The following N4BP2L2 variants were observed in gnomAD, a reference collection of about 807,000 sequenced individuals.
N4BP2L2 encodes NEDD4-binding protein 2-like 2.
N4BP2L2 carries 50 observed loss-of-function variants against 56.2 expected under a neutral mutation model. The observed-to-expected ratio is 0.89, with a 90% CI of 0.71 to 1.13. The LOEUF (loss-of-function observed/expected upper bound fraction) is 1.13, where lower values mean the gene tolerates loss of function less well. Among genes scored for constraint, N4BP2L2 ranks in the 50% most tolerant of loss-of-function variants. N4BP2L2 has a pLI of 0.00. For missense variants in N4BP2L2, 689 were observed against 693.8 expected (o/e 0.99, Z 0.08); for synonymous variants, 203 against 223.6 (o/e 0.91, Z 0.82).
At chr13:32,536,364 T>G (rs1030542488) in exon 2 of N4BP2L2, 4 of 1,614,118 alleles carry the variant, frequency 2.5e-6, no homozygotes, top group South Asian at 1.1e-5. Context: ...CTAAGATCTT[T>G]CTTTTCTTCA....
rs1355420192 is a variant in N4BP2L2 at position 32,516,725 on chromosome 13, A to C, written c.*1077T>G. ...CTAAAAAGAGTAAATCAAAAAAGTA[A>C]ATCAAAACTGTTGAAGAAATATTCT... On this transcript the variant is annotated 3_prime_UTR_variant, in exon 6 of 6. Transcript: ENST00000267068. 1.7e-5 allele frequency: 4 copies of C among 230,028 alleles called. No individual in the cohort carries two copies. In the Admixed American group the frequency reaches 2.6e-4, roughly 15 times the overall value. The allele number at this position is 230,028 out of a possible 1,614,324, so 14.2% of individuals were successfully genotyped here.
chr13:32,518,955 C>T (rs1280172955), intron 5 of N4BP2L2, among the ~76,000 whole-genome samples: 2 of 152,080 alleles, frequency 1.3e-5, no homozygotes, highest in African/African-American at 4.8e-5. Context: ...GTAACTTGAC[C>T]TGGACATGAC....
rs2056708410 is a variant in N4BP2L2, at chr13:32,536,978, A to G, written c.50T>C (p.Val17Ala). 15 of 1,607,692 alleles carry G rather than the reference A, an allele frequency of 9.3e-6. No homozygotes were observed. In the East Asian group the frequency reaches 2.9e-4, roughly 31 times the overall value. The change falls in exon 2 of 6, where the codon GTA (valine) becomes GCA (alanine). Residue 17 changes from valine (V) to alanine (A), a missense_variant. Transcript: ENST00000267068. Reference sequence around the variant, plus strand: ...TTTTTTACAGCGTGGCTCACTCGTTACTTCTTCTCTAGGTCCCAAGAATTT... The same window carrying G: ...TTTTTTACAGCGTGGCTCACTCGTTGCTTCTTCTCTAGGTCCCAAGAATTT...
chr13:32,474,699 A>AC (rs2082959716), intron 6 of N4BP2L2, among the ~76,000 whole-genome samples: 1 of 152,206 alleles, frequency 6.6e-6, no homozygotes. Context: ...CACCCCAGCC[A>AC]CCGCACTAAA....
intron 2 of N4BP2L2, among the ~76,000 whole-genome samples, chr13:32,528,053 A>G (rs2053593545): frequency 6.6e-6 from 1 of 152,198 alleles, no homozygotes; most frequent in Admixed American, 6.5e-5. Context: ...TACAGGCATG[A>G]GCCACCGTGC....
intron 6 of N4BP2L2, chr13:32,480,470 G>C: frequency 2.3e-6 from 1 of 439,418 alleles, no homozygotes; most frequent in South Asian, 2.1e-5. Context: ...TTACTAGTTA[G>C]TTGGACGGCA....
chr13:32,502,186 T>G (rs1369070262), intron 6 of N4BP2L2, among the ~76,000 whole-genome samples: 1 of 151,708 alleles, frequency 6.6e-6, no homozygotes, highest in Admixed American at 6.6e-5. Context: ...TACCTTAGCC[T>G]TCAAGTAGCT....
chr13:32,528,140 T>C (rs1018293019), intron 2 of N4BP2L2, among the ~76,000 whole-genome samples: 2 of 152,216 alleles, frequency 1.3e-5, no homozygotes, highest in African/African-American at 2.4e-5. Flanking sequence ...ATCTCAAAAT[T>C]ATATCAACTA....
At chr13:32,488,935 T>G (rs1207421808) in intron 6 of N4BP2L2, among the ~76,000 whole-genome samples, 1 of 152,194 alleles carries the variant, frequency 6.6e-6, no homozygotes, top group Non-Finnish European at 1.5e-5. Flanking sequence ...CATAAACTCA[T>G]GGTGGCACAC....
At chr13:32,464,156 C>A (rs1318605393) in intron 6 of N4BP2L2, among the ~76,000 whole-genome samples, 3 of 152,008 alleles carry the variant, frequency 2.0e-5, no homozygotes, top group African/African-American at 7.3e-5. Context: ...ACTGATGGAC[C>A]ACAATGCATA....
chr13:32,521,391 T>A, exon 5 of N4BP2L2: 2 of 1,611,582 alleles, frequency 1.2e-6, no homozygotes, highest in Non-Finnish European at 1.7e-6. Flanking sequence ...TTCTTCAGGA[T>A]CAAATTTCCA....
chr13:32,439,966 C>T (rs1476092160), intron 7 of N4BP2L2, among the ~76,000 whole-genome samples: 1 of 148,308 alleles, frequency 6.7e-6, no homozygotes, highest in African/African-American at 2.5e-5. Flanking sequence ...GCAGAGGTTG[C>T]AGTGAGCCAA....
At chr13:32,496,026 C>A (rs1326518505) in intron 6 of N4BP2L2, among the ~76,000 whole-genome samples, 6 of 152,106 alleles carry the variant, frequency 3.9e-5, no homozygotes, top group Non-Finnish European at 7.3e-5. Context: ...CCACTGATTC[C>A]CCAGAGTTGC....
At chr13:32,517,539 G>A (rs1412429349) in exon 6 of N4BP2L2, 2 of 1,178,772 alleles carry the variant, frequency 1.7e-6, no homozygotes, top group Admixed American at 4.2e-5. Context: ...AAACATCCTA[G>A]CTCCTACCCA....
chr13:32,460,387 A>T (rs902980625), intron 6 of N4BP2L2, among the ~76,000 whole-genome samples: 1 of 152,208 alleles, frequency 6.6e-6, no homozygotes, highest in Non-Finnish European at 1.5e-5. Context: ...ACAGGGCATG[A>T]TCTTGTATTT....
rs189088156 is a variant in N4BP2L2, at chr13:32,441,931, C to A, written c.2104+457G>T. ...AATAAATAAATAAATAAATAAATAG[C>A]CGGGCGTGGTGGCGGGCGCCTGTAG... On this transcript the variant is annotated intron_variant, in intron 7 of 9. Transcript: ENST00000357505. Among the ~76,000 whole-genome samples, 886 of 144,970 alleles carry A rather than the reference C, an allele frequency of 6.1e-3. 9 individuals carry two copies. The highest frequency in any genetic ancestry group is 0.023 in the African/African-American group (864 of 37,388).
At chr13:32,502,842 A>G (rs540330681) in intron 6 of N4BP2L2, among the ~76,000 whole-genome samples, 10 of 152,204 alleles carry the variant, frequency 6.6e-5, no homozygotes, top group Admixed American at 5.2e-4. Context: ...AACACATTCT[A>G]TTTTCAGAAA....
intron 6 of N4BP2L2, among the ~76,000 whole-genome samples, chr13:32,457,480 A>G (rs1362063673): frequency 3.7e-4 from 57 of 152,246 alleles, no homozygotes; most frequent in Admixed American, 3.1e-3. Context: ...TGGCAAGAAA[A>G]AAACATCTAG....
chr13:32,484,091 C>T (rs2085352873), intron 6 of N4BP2L2, among the ~76,000 whole-genome samples: 2 of 151,990 alleles, frequency 1.3e-5, no homozygotes, highest in African/African-American at 4.8e-5. Flanking sequence ...AGAAGGAGTG[C>T]TTCTGCCAAG....
Sources: gnomAD v4.1 joint callset for allele counts (sites outside exome capture counted in the v4.1 genomes callset) on GRCh38, gnomAD v4.1.1 for gene constraint, MANE v1.5 for transcripts, NCBI Gene and HGNC (gene_info 2026-07-23, HGNC 2026-07-21) for gene names.